Variants in PTPN2 observed in about 807,000 individuals in gnomAD.
PTPN2 encodes the protein protein tyrosine phosphatase non-receptor type 2.
Under a neutral mutation model 57.3 loss-of-function variants are expected in PTPN2, and 19 were observed. That is an observed-to-expected ratio of 0.33 (90% CI 0.23 to 0.49). The LOEUF is 0.49. Ranked by LOEUF, PTPN2 falls within the 20% of genes least tolerant of loss-of-function variation. PTPN2 has a pLI of 0.99. For missense variants in PTPN2, 358 were observed against 501.1 expected (o/e 0.71, Z 2.73); for synonymous variants, 153 against 164.9 (o/e 0.93, Z 0.55).
Position 12,829,430 on chromosome 18 carries a change from G to A in PTPN2, c.360+1513C>T, listed in dbSNP as rs112806472. 7.0e-3 allele frequency among the ~76,000 whole-genome samples: 1,053 copies of A among 150,498 alleles called. 18 individuals are homozygous for A. Among genetic ancestry groups the A allele is most frequent in the African/African-American group, 0.025 (1,022 of 40,910 alleles). The stretch of plus-strand genomic sequence containing the variant: ...TGAGACGGGAGAATCTCTTGAACCC[G>A]GGAAGTGGAGGCTGCAGTGAGCTGA... On this transcript the variant is annotated intron_variant, in intron 4 of 8. Coordinates refer to ENST00000309660, the MANE Select transcript of PTPN2 (RefSeq NM_002828.4).
downstream of PTPN2, among the ~76,000 whole-genome samples, chr18:12,788,906 C>T (rs977270144): frequency 6.6e-6 from 1 of 152,094 alleles, no homozygotes; most frequent in Non-Finnish European, 1.5e-5. Context: ...GAAAAATAAC[C>T]AAACTCATAC....
chr18:12,826,694 G>C lies in PTPN2; in HGVS notation c.361-750C>G, dbSNP rs545398959. 7.9e-5 allele frequency among the ~76,000 whole-genome samples: 12 copies of C among 152,092 alleles called. No individual in the cohort carries two copies. The South Asian group carries it at 1.7e-3, about 21-fold the overall frequency. On this transcript the variant is annotated intron_variant, in intron 4 of 8. Transcript: ENST00000309660. Reference sequence around the variant, plus strand: ...AGCAATTCTCCTGCCTCAGCCTTCTGAGCAGCTGGGATTACAGGCGTCTGC... The same window carrying C: ...AGCAATTCTCCTGCCTCAGCCTTCTCAGCAGCTGGGATTACAGGCGTCTGC...
intron 6 of PTPN2, among the ~76,000 whole-genome samples, chr18:12,815,592 A>G (rs1443022421): frequency 6.6e-6 from 1 of 152,158 alleles, no homozygotes; most frequent in Non-Finnish European, 1.5e-5. Flanking sequence ...AAAATTGTTG[A>G]AGTTATAGTT....
intron 1 of PTPN2, among the ~76,000 whole-genome samples, chr18:12,865,626 T>C (rs1034206764): frequency 1.3e-5 from 2 of 151,772 alleles, no homozygotes; most frequent in Admixed American, 6.6e-5. Flanking sequence ...CTGGGCAACA[T>C]GGTGAAACCC....
chr18:12,829,486 C>T (rs2042591854), intron 4 of PTPN2, among the ~76,000 whole-genome samples: 1 of 118,182 alleles, frequency 8.5e-6, no homozygotes, highest in Non-Finnish European at 1.6e-5. Context: ...GCCTGGGCAA[C>T]AGGCGAGACT....
At chr18:12,804,058 G>A (rs946053153) in intron 7 of PTPN2, among the ~76,000 whole-genome samples, 2 of 152,062 alleles carry the variant, frequency 1.3e-5, no homozygotes, top group East Asian at 3.9e-4. Context: ...CAAGAACTTT[G>A]GGAGGTAGAG....
chr18:12,863,782 A>G (rs536612823), intron 1 of PTPN2: 56 of 152,312 alleles, frequency 3.7e-4, no homozygotes, highest in African/African-American at 1.3e-3. Context: ...CTAGATCTAA[A>G]TGGCAAGGAT....
At position 12,793,819 on chromosome 18, in the gene PTPN2, G is replaced by A. The variant is rs2041062046; in HGVS notation, c.*459C>T. The A allele has an allele frequency of 1.1e-6, 1 of 951,288 alleles. No homozygotes were observed. The highest frequency in any genetic ancestry group is 1.3e-6 in the Non-Finnish European group (1 of 796,588). 58.9% of individuals were successfully genotyped at this position (951,288 alleles called of 1,614,324 possible). A position where few individuals can be genotyped will look rare whatever the true frequency, so the allele number is the denominator to read the frequency against. On this transcript the variant is annotated 3_prime_UTR_variant, in exon 9 of 9. Transcript: ENST00000309660. ...TGAAATGCTTAAGAATAAAAGTGTT[G>A]ATGCCCATGTCAATAGTACATTATA... is the stretch of plus-strand genomic sequence containing the variant.
chr18:12,874,017 G>A (rs979874123), intron 1 of PTPN2, among the ~76,000 whole-genome samples: 91 of 151,182 alleles, frequency 6.0e-4, no homozygotes, highest in South Asian at 4.4e-3. Context: ...CCTGGCAACC[G>A]CCCCGTCTGA....
intron 1 of PTPN2, among the ~76,000 whole-genome samples, chr18:12,873,956 G>A (rs1439548020): frequency 3.2e-4 from 48 of 152,034 alleles, no homozygotes; most frequent in Non-Finnish European, 5.6e-4. Context: ...TCTGGGAGGT[G>A]AGGAGCGTCT....
At chr18:12,805,678 C>T (rs1166999276) in intron 7 of PTPN2, among the ~76,000 whole-genome samples, 1 of 140,390 alleles carries the variant, frequency 7.1e-6, no homozygotes, top group Non-Finnish European at 1.5e-5. Context: ...CTTGCTCTGT[C>T]ACCAGGCTGG....
chr18:12,796,283 G>C (rs1265415360), intron 8 of PTPN2, among the ~76,000 whole-genome samples: 5 of 152,134 alleles, frequency 3.3e-5, no homozygotes, highest in Non-Finnish European at 1.5e-5. Flanking sequence ...TCAGGAAAAT[G>C]TTCTAAAATT....
intron 5 of PTPN2, among the ~76,000 whole-genome samples, chr18:12,818,188 A>G (rs1055487757): frequency 2.8e-4 from 43 of 152,166 alleles, no homozygotes; most frequent in African/African-American, 1.0e-3. Flanking sequence ...TACATTCTTT[A>G]ACATTTTCCT....
At chr18:12,874,317 C>T (rs866191811) in intron 1 of PTPN2, among the ~76,000 whole-genome samples, 4 of 136,314 alleles carry the variant, frequency 2.9e-5, no homozygotes, top group Non-Finnish European at 4.7e-5. Context: ...GTCAGCCCCC[C>T]GCTTGGCCAG....
In PTPN2 at chr18:12,814,219, C is replaced by T. The variant is rs1324827128; in HGVS notation, c.842G>A (p.Gly281Glu). The T allele has an allele frequency of 1.3e-6, 2 of 1,595,036 alleles. No individual in the cohort carries two copies. Among genetic ancestry groups the T allele is most frequent in the African/African-American group, 2.7e-5 (2 of 74,374 alleles). ...AIIEGAKCIK[G>E]DSSIQKRWKE... ...GAAGTTTACCTGTATACTAGAATCT[C>T]CCTTTATACATTTTGCTCCTTCTAT... Residue 281 changes from glycine (G) to glutamate (E), a missense_variant, in exon 7 of 9, where the codon GGA becomes GAA. By Grantham distance (98) the Gly-to-Glu change is moderately conservative. This residue lies in a region of PTPN2 where 193 missense variants were observed against 315.4 expected (regional missense o/e 0.61). Transcript: ENST00000309660.
chr18:12,821,058 C>T, intron 5 of PTPN2, among the ~76,000 whole-genome samples: 1 of 152,140 alleles, frequency 6.6e-6, no homozygotes, highest in Non-Finnish European at 1.5e-5. Context: ...TAAGATTATA[C>T]ATTTTCCAAT....
chr18:12,792,872 T>C lies in PTPN2; in HGVS notation c.*1406A>G. On this transcript the variant is annotated 3_prime_UTR_variant, in exon 9 of 9. Coordinates refer to ENST00000309660, the MANE Select transcript of PTPN2 (RefSeq NM_002828.4). The stretch of plus-strand genomic sequence containing the variant: ...TCCCAAAGTGCTGGGATTACAGGCA[T>C]GAGCCACCGCGCCCGACCAAACTGT... The C allele has an allele frequency of 1.0e-6, 1 of 959,380 alleles. No individual in the cohort carries two copies. The highest frequency in any genetic ancestry group is 1.2e-6 in the Non-Finnish European group (1 of 806,230). 59.4% of individuals were successfully genotyped at this position (959,380 alleles called of 1,614,324 possible). A position where few individuals can be genotyped will look rare whatever the true frequency, so the allele number is the denominator to read the frequency against.
intron 3 of PTPN2, among the ~76,000 whole-genome samples, chr18:12,831,381 C>G (rs953998335): frequency 6.6e-6 from 1 of 152,190 alleles, no homozygotes; most frequent in Non-Finnish European, 1.5e-5. Flanking sequence ...AGAAAGTCAA[C>G]CTGGGATGCT....
chr18:12,837,010 A>G (rs1250140543), intron 2 of PTPN2, 119 bp from the exon 3 acceptor site: 21 of 657,474 alleles, frequency 3.2e-5, no homozygotes, highest in Non-Finnish European at 1.3e-5. Context: ...AATTAGCATC[A>G]TAATAGAGTT....
Sources: allele counts gnomAD v4.1 joint callset (sites outside exome capture counted in the v4.1 genomes callset), GRCh38; gene constraint gnomAD v4.1.1; regional missense constraint gnomAD v4.1.1; transcripts MANE v1.5; gene names NCBI Gene and HGNC (gene_info 2026-07-23, HGNC 2026-07-21).